MRAS: variants seen among roughly 807,000 people sequenced by gnomAD.
MRAS encodes muscle RAS oncogene homolog, also known as ras-related protein M-Ras.
A neutral mutation model predicts 20.9 loss-of-function variants in MRAS; 4 were observed. The observed-to-expected ratio is 0.19, with a 90% CI of 0.09 to 0.44. MRAS has a LOEUF of 0.44. Among genes scored for constraint, MRAS ranks in the 20% least tolerant of loss-of-function variants. The pLI is 0.99. For missense variants in MRAS, 154 were observed against 277.5 expected (o/e 0.56, Z 3.16); for synonymous variants, 98 against 102.9 (o/e 0.95, Z 0.29).
rs201836956 is a variant in MRAS, at chr3:138,397,536, G to T, written c.347+59G>T. On this transcript the variant is annotated intron_variant, in intron 3 of 5. Transcript: ENST00000423968. The stretch of plus-strand genomic sequence containing the variant: ...GAGGCCTGCGCCTGCCTCCTAGGGC[G>T]CTCTCTCTCTCTCTCTTTCTCTTTC... 2.1e-4 allele frequency: 323 copies of T among 1,544,718 alleles called. No homozygotes were observed. In the East Asian group the frequency reaches 7.0e-3, roughly 33 times the overall value.
At position 138,403,621 on chromosome 3, in the gene MRAS, A is replaced by T. The variant is rs1036741003; in HGVS notation, c.*1352A>T. 1 of 152,648 alleles carries T rather than the reference A, an allele frequency of 6.6e-6. No individual in the cohort carries two copies. Among genetic ancestry groups the T allele is most frequent in the Non-Finnish European group, 1.5e-5 (1 of 68,038 alleles). 9.5% of individuals were successfully genotyped at this position (152,648 alleles called of 1,614,324 possible). A position where few individuals can be genotyped will look rare whatever the true frequency, so the allele number is the denominator to read the frequency against. On this transcript the variant is annotated 3_prime_UTR_variant, in exon 6 of 6. Coordinates refer to ENST00000423968, the MANE Select transcript of MRAS (RefSeq NM_001085049.3). ...AGGGGGCAGTCTCCCCAGCTCCCTG[A>T]TGATGCTCACCCCCGCCCCCCCACC... is the stretch of plus-strand genomic sequence containing the variant.
intron 2 of MRAS, among the ~76,000 whole-genome samples, chr3:138,389,658 A>G (rs780269307): frequency 3.3e-5 from 5 of 151,750 alleles, no homozygotes; most frequent in Non-Finnish European, 7.4e-5. Flanking sequence ...TTAGGGAAAT[A>G]GGAACACCCT....
rs2055387621 is a variant in MRAS, at chr3:138,402,748, C to G, written c.*479C>G. 6.5e-6 allele frequency: 1 copy of G among 152,920 alleles called. No individual in the cohort carries two copies. The highest frequency in any genetic ancestry group is 2.1e-4 in the South Asian group (1 of 4,828). 9.5% of individuals were successfully genotyped at this position (152,920 alleles called of 1,614,324 possible). ...TATTATTTTATTAAAGGGGTCTGGG[C>G]TCACTGCCTGGTGAAGTTTCAAGTG... On this transcript the variant is annotated 3_prime_UTR_variant, in exon 6 of 6. Transcript: ENST00000423968.
chr3:138,383,349 G>A (rs757691770), intron 2 of MRAS, among the ~76,000 whole-genome samples: 2 of 152,076 alleles, frequency 1.3e-5, no homozygotes, highest in Admixed American at 6.6e-5. Flanking sequence ...GTTATTTTTA[G>A]ACACAGGGTC....
intron 1 of MRAS, among the ~76,000 whole-genome samples, chr3:138,367,056 C>T (rs1028632108): frequency 1.3e-5 from 2 of 152,334 alleles, no homozygotes; most frequent in East Asian, 1.9e-4. Flanking sequence ...GTAAGACCCA[C>T]TGAGCCCTGC....
At chr3:138,388,744 G>T (rs997323555) in intron 2 of MRAS, among the ~76,000 whole-genome samples, 5 of 151,838 alleles carry the variant, frequency 3.3e-5, no homozygotes, top group African/African-American at 1.2e-4. Flanking sequence ...AAAACTTTAG[G>T]TATGGCCCTT....
At chr3:138,395,289 G>A (rs1020555429) in intron 2 of MRAS, among the ~76,000 whole-genome samples, 6 of 151,950 alleles carry the variant, frequency 3.9e-5, no homozygotes, top group African/African-American at 4.8e-5. Context: ...CACTTGCCTC[G>A]GCCTCCCAAA....
At chr3:138,378,181 C>T (rs1057285952) in intron 2 of MRAS, among the ~76,000 whole-genome samples, 8 of 152,208 alleles carry the variant, frequency 5.3e-5, no homozygotes, top group African/African-American at 1.7e-4. Context: ...CCAGGTGCTC[C>T]GGTTGTGATC....
intron 2 of MRAS, among the ~76,000 whole-genome samples, chr3:138,376,512 T>A (rs1377958040): frequency 2.0e-5 from 3 of 152,216 alleles, no homozygotes; most frequent in Non-Finnish European, 4.4e-5. Context: ...TAAACATTTG[T>A]GGAATGACCA....
At chr3:138,380,212 A>G (rs1402243338) in intron 2 of MRAS, among the ~76,000 whole-genome samples, 1 of 152,106 alleles carries the variant, frequency 6.6e-6, no homozygotes, top group African/African-American at 2.4e-5. Flanking sequence ...TTTGCTAATG[A>G]GTTGTTTGAG....
At chr3:138,354,577 G>A (rs557843351) in intron 1 of MRAS, among the ~76,000 whole-genome samples, 9 of 152,294 alleles carry the variant, frequency 5.9e-5, no homozygotes, top group African/African-American at 2.2e-4. Context: ...GGGAGAGTGT[G>A]TGTTTTTGGC....
intron 1 of MRAS, among the ~76,000 whole-genome samples, chr3:138,352,120 G>A (rs1263244298): frequency 2.0e-5 from 3 of 152,240 alleles, no homozygotes; most frequent in Admixed American, 2.0e-4. Context: ...CAGTCAGCCA[G>A]TGGGTCTGAC....
At chr3:138,389,971 C>T (rs1260651874) in intron 2 of MRAS, among the ~76,000 whole-genome samples, 3 of 151,718 alleles carry the variant, frequency 2.0e-5, no homozygotes, top group African/African-American at 7.3e-5. Flanking sequence ...GTGGCTCACG[C>T]CTGTAATCCC....
In MRAS at chr3:138,397,363, G is replaced by A. The variant is rs755494249; in HGVS notation, c.233G>A (p.Arg78Gln). 1.2e-6 allele frequency: 2 copies of A among 1,614,100 alleles called. No homozygotes were observed. Among genetic ancestry groups the A allele is most frequent in the East Asian group, 2.2e-5 (1 of 44,872 alleles). Residue 78 changes from arginine (R) to glutamine (Q), a missense_variant, in exon 3 of 6, where the codon CGG becomes CAG. This residue lies in a region of MRAS where 125 missense variants were observed against 213.5 expected (regional missense o/e 0.59). Coordinates refer to ENST00000423968, the MANE Select transcript of MRAS (RefSeq NM_001085049.3). ...TAGQEEFSAMREQYMRTGDGF... is the reference protein window; with the variant it reads ...TAGQEEFSAMQEQYMRTGDGF... ...GGGCAGGAGGAATTCAGCGCCATGC[G>A]GGAGCAATACATGCGCACGGGGGAT...
At chr3:138,371,768 C>A (rs1039405666) in intron 1 of MRAS, among the ~76,000 whole-genome samples, 3 of 152,098 alleles carry the variant, frequency 2.0e-5, no homozygotes, top group African/African-American at 2.4e-5. Context: ...TTTAGGGGAT[C>A]CCCCTAGCTG....
chr3:138,396,548 C>T (rs2055239434), intron 2 of MRAS, among the ~76,000 whole-genome samples: 1 of 152,196 alleles, frequency 6.6e-6, no homozygotes, highest in African/African-American at 2.4e-5. Flanking sequence ...CTAAAAGGAA[C>T]CCCCCACCCT....
At chr3:138,363,860 C>G (rs541294468) in intron 1 of MRAS, among the ~76,000 whole-genome samples, 91 of 115,764 alleles carry the variant, frequency 7.9e-4, no homozygotes, top group Admixed American at 3.3e-3. Flanking sequence ...CAGAGGGTGG[C>G]TATGTTTTGT....
chr3:138,348,085 T>C (rs2054152461), upstream of MRAS: 1 of 152,178 alleles, frequency 6.6e-6, no homozygotes. Context: ...CCAGAAGGCC[T>C]GCGGGGAGAG....
intron 1 of MRAS, among the ~76,000 whole-genome samples, chr3:138,354,420 G>A (rs1003501658): frequency 6.6e-5 from 10 of 152,192 alleles, no homozygotes; most frequent in African/African-American, 2.2e-4. Flanking sequence ...CCTGCAATGG[G>A]CTTTTGGGAG....
Sources: gnomAD v4.1 joint callset for allele counts (sites outside exome capture counted in the v4.1 genomes callset) on GRCh38, gnomAD v4.1.1 for gene constraint, gnomAD v4.1.1 regional missense constraint, MANE v1.5 for transcripts, NCBI Gene and HGNC (gene_info 2026-07-23, HGNC 2026-07-21) for gene names.